HECW1: variants seen among roughly 807,000 people sequenced by gnomAD.
HECW1 encodes the protein E3 ubiquitin-protein ligase HECW1.
HECW1 carries 61 observed loss-of-function variants against 182.3 expected under a neutral mutation model. The ratio of observed to expected loss-of-function variants is 0.33; its 90% confidence interval spans 0.27 to 0.41. The LOEUF (loss-of-function observed/expected upper bound fraction) is 0.41, where lower values mean the gene tolerates loss of function less well. Among genes scored for constraint, HECW1 ranks in the 10% least tolerant of loss-of-function variants. The pLI is 1.00. For missense variants in HECW1, 1,739 were observed against 2,108.9 expected, an observed-to-expected ratio of 0.82 and a Z score of 3.44; for synonymous variants, 859 against 832.6, an observed-to-expected ratio of 1.03 and a Z score of -0.55.
intron 2 of HECW1, among the ~76,000 whole-genome samples, chr7:43,164,193 A>G (rs928943188): frequency 2.0e-5 from 3 of 152,218 alleles, no homozygotes; most frequent in Admixed American, 6.5e-5. Context: ...GGCCCGAGTC[A>G]TCTGGTCTGC....
chr7:43,338,999 G>C (rs34583245), intron 5 of HECW1, among the ~76,000 whole-genome samples: 28,800 of 152,060 alleles, frequency 0.19, 3,300 homozygotes, highest in Non-Finnish European at 0.27. Context: ...TTAGCACTTA[G>C]GAATGTCATT....
intron 3 of HECW1, among the ~76,000 whole-genome samples, chr7:43,310,004 A>C (rs1808299159): frequency 1.3e-5 from 2 of 152,242 alleles, no homozygotes. Context: ...ACCGAGGTCC[A>C]GAAAGATTAA....
intron 5 of HECW1, among the ~76,000 whole-genome samples, chr7:43,321,397 C>A (rs1810096592): frequency 6.6e-6 from 1 of 152,004 alleles, no homozygotes; most frequent in Non-Finnish European, 1.5e-5. Flanking sequence ...TTTCATGGGT[C>A]CCCATACTGG....
At chr7:43,281,097 C>T (rs1383167972) in intron 3 of HECW1, among the ~76,000 whole-genome samples, 2 of 152,166 alleles carry the variant, frequency 1.3e-5, no homozygotes, top group Non-Finnish European at 2.9e-5. Flanking sequence ...TTCTGACCCG[C>T]TGCTTCTCAT....
rs1462025190 is a variant in HECW1 at position 43,196,280 on chromosome 7, A to G, written c.-31-47595A>G. ...TTTTGACACAGTATGGGATTTTGAT[A>G]TTTTGGTATTCTAAAGAATTTAGTA... is the stretch of plus-strand genomic sequence containing the variant. On this transcript the variant is annotated intron_variant, in intron 2 of 29. Coordinates refer to ENST00000395891, the MANE Select transcript of HECW1 (RefSeq NM_015052.5). Among the ~76,000 whole-genome samples, 4 of 152,250 alleles carry G rather than the reference A, an allele frequency of 2.6e-5. No individual in the cohort carries two copies. In the East Asian group the frequency reaches 7.7e-4, roughly 29 times the overall value.
chr7:43,124,130 T>A (rs1785930321), intron 2 of HECW1, among the ~76,000 whole-genome samples: 1 of 152,216 alleles, frequency 6.6e-6, no homozygotes. Context: ...TTGTGTCTAC[T>A]AAACGATGTA....
At chr7:43,256,740 A>G (rs967445507) in intron 3 of HECW1, among the ~76,000 whole-genome samples, 1 of 152,170 alleles carries the variant, frequency 6.6e-6, no homozygotes, top group Non-Finnish European at 1.5e-5. Flanking sequence ...GTGATAAGAT[A>G]AGTAAAAGCT....
At chr7:43,207,556 A>G (rs1362155656) in intron 2 of HECW1, among the ~76,000 whole-genome samples, 1 of 152,166 alleles carries the variant, frequency 6.6e-6, no homozygotes, top group Non-Finnish European at 1.5e-5. Context: ...TTACCATGCT[A>G]TAGAACCTAG....
At chr7:43,559,170 G>A (rs1001202815) in intron 29 of HECW1, among the ~76,000 whole-genome samples, 2 of 152,298 alleles carry the variant, frequency 1.3e-5, no homozygotes, top group Admixed American at 1.3e-4. Context: ...GAGACGGGGA[G>A]ATCAACTGTG....
rs1026860853 is a variant in HECW1 at position 43,374,839 on chromosome 7, A to T, written c.555+13859A>T. Among the ~76,000 whole-genome samples, 425 of 132,052 alleles carry T rather than the reference A, an allele frequency of 3.2e-3. 4 individuals carry two copies. Among genetic ancestry groups the T allele is most frequent in the African/African-American group, 0.013 (415 of 31,950 alleles). 86.6% of individuals were successfully genotyped at this position (132,052 alleles called of 152,430 possible). A position where few individuals can be genotyped will look rare whatever the true frequency, so the allele number is the denominator to read the frequency against. ...TAACCAGTGAAAAAAAGATGAAAATATTTTTTATCTAAAAAAATACATACC... is the reference window on the plus strand; with the variant it reads ...TAACCAGTGAAAAAAAGATGAAAATTTTTTTTATCTAAAAAAATACATACC... On this transcript the variant is annotated intron_variant, in intron 6 of 29. Coordinates refer to ENST00000395891, the MANE Select transcript of HECW1 (RefSeq NM_015052.5).
chr7:43,220,514 C>A (rs896920747), intron 2 of HECW1, among the ~76,000 whole-genome samples: 16 of 152,224 alleles, frequency 1.1e-4, no homozygotes, highest in Admixed American at 1.0e-3. Flanking sequence ...AGCCCTCATC[C>A]TAAGTCATCT....
rs1219456381 is a variant in HECW1, at chr7:43,564,438, TC to T, written c.*2513del. ...CCATATACAAAAGGAATGCAGTATC[TC>T]AGAAATTATATATAGATAGGTAACT... is the stretch of plus-strand genomic sequence containing the variant. On this transcript the variant is annotated 3_prime_UTR_variant, in exon 30 of 30. Coordinates refer to ENST00000395891, the MANE Select transcript of HECW1 (RefSeq NM_015052.5). The T allele has an allele frequency of 2.2e-5, 4 of 184,376 alleles. No individual in the cohort carries two copies. Among genetic ancestry groups the T allele is most frequent in the Non-Finnish European group, 3.5e-5 (3 of 86,764 alleles). 11.4% of individuals were successfully genotyped at this position (184,376 alleles called of 1,614,324 possible).
chr7:43,248,011 GAGAA>G (rs1461677862), intron 3 of HECW1, among the ~76,000 whole-genome samples: 5 of 90,662 alleles, frequency 5.5e-5, no homozygotes, highest in Middle Eastern at 9.1e-3. Flanking sequence ...GAAAGAAAGA[GAGAA>G]AGAAGAAAGC....
chr7:43,135,531 A>G (rs1229731256), intron 2 of HECW1, among the ~76,000 whole-genome samples: 1 of 152,210 alleles, frequency 6.6e-6, no homozygotes, highest in Admixed American at 6.5e-5. Context: ...CATAAGAGAA[A>G]ATAAATATTT....
At chr7:43,146,666 T>C (rs1788747221) in intron 2 of HECW1, among the ~76,000 whole-genome samples, 1 of 152,222 alleles carries the variant, frequency 6.6e-6, no homozygotes, top group South Asian at 2.1e-4. Flanking sequence ...AAGTATCATG[T>C]CTTTAAAGAG....
In HECW1 at chr7:43,412,192, C is replaced by A. The variant is rs117698523; in HGVS notation, c.801+4461C>A. 1.8e-3 allele frequency among the ~76,000 whole-genome samples: 281 copies of A among 152,098 alleles called. 4 individuals are homozygous for A. The East Asian group carries it at 0.031, about 17-fold the overall frequency. ...TGATCTACATTGAGTTAATTTTGTA[C>A]CACTTTACATAAAATGCAGTAACTC... On this transcript the variant is annotated intron_variant, in intron 8 of 29. Transcript: ENST00000395891.
chr7:43,506,036 G>A (rs1462923941), intron 21 of HECW1, among the ~76,000 whole-genome samples: 1 of 152,088 alleles, frequency 6.6e-6, no homozygotes, highest in East Asian at 1.9e-4. Flanking sequence ...AAATTAAAAG[G>A]TATATATAGT....
intron 7 of HECW1, among the ~76,000 whole-genome samples, chr7:43,401,270 C>T (rs2075396052): frequency 6.6e-6 from 1 of 152,132 alleles, no homozygotes; most frequent in Admixed American, 6.5e-5. Flanking sequence ...CTCACCACTA[C>T]AGAAAGGGAA....
In HECW1 at chr7:43,517,363, C is replaced by T. The variant is rs376328609; in HGVS notation, c.4019+8242C>T. The stretch of plus-strand genomic sequence containing the variant: ...TGCCCCCTTCTGCCCCAGCCCCGAC[C>T]TCTCTCCCTTCCCAAGCAGATACTA... On this transcript the variant is annotated intron_variant, in intron 24 of 29. Coordinates refer to ENST00000395891, the MANE Select transcript of HECW1 (RefSeq NM_015052.5). 2.6e-5 allele frequency among the ~76,000 whole-genome samples: 4 copies of T among 151,840 alleles called. No homozygotes were observed. The East Asian group carries it at 7.7e-4, about 29-fold the overall frequency.
Sources: gnomAD v4.1 joint callset for allele counts (sites outside exome capture counted in the v4.1 genomes callset) on GRCh38, gnomAD v4.1.1 for gene constraint, MANE v1.5 for transcripts, NCBI Gene and HGNC (gene_info 2026-07-23, HGNC 2026-07-21) for gene names.